ABCA12: variants seen among roughly 807,000 people sequenced by gnomAD.
ABCA12 encodes ATP binding cassette subfamily A member 12.
A neutral mutation model predicts 293.5 loss-of-function variants in ABCA12; 156 were observed. The ratio of observed to expected loss-of-function variants is 0.53; its 90% CI spans 0.47 to 0.61. The LOEUF is 0.61. Among genes scored for constraint, ABCA12 ranks in the 20% least tolerant of loss-of-function variants. ABCA12 has a pLI of 0.00. For synonymous variants in ABCA12, 1,063 were observed against 1,108.0 expected, an observed-to-expected ratio of 0.96 and a Z score of 0.81; for missense variants, 2,797 against 3,090.2, an observed-to-expected ratio of 0.91 and a Z score of 2.25.
intron 1 of ABCA12, among the ~76,000 whole-genome samples, chr2:215,126,298 T>G (rs890217226): frequency 2.0e-5 from 3 of 152,182 alleles, no homozygotes. Flanking sequence ...ATTAAGATGA[T>G]GCTGACTTCA....
intron 1 of ABCA12, among the ~76,000 whole-genome samples, chr2:215,129,682 T>C (rs763934875): frequency 5.9e-5 from 9 of 152,218 alleles, no homozygotes; most frequent in Non-Finnish European, 1.2e-4. Flanking sequence ...CTGTAGATTG[T>C]CTGCTTATCC....
chr2:215,052,447 G>A (rs758775259), intron 5 of ABCA12, 40 bp downstream of exon 5: 14 of 1,527,920 alleles, frequency 9.2e-6, no homozygotes, highest in Admixed American at 6.7e-5. Flanking sequence ...AAAGGCCTAT[G>A]TTGAATCACT....
chr2:214,970,226 A>C, intron 37 of ABCA12, 47 bp downstream of exon 37: 1 of 1,572,990 alleles, frequency 6.4e-7, no homozygotes, highest in Non-Finnish European at 8.7e-7. Context: ...GGCAGCTACC[A>C]TTAAAATTAG....
intron 8 of ABCA12, among the ~76,000 whole-genome samples, chr2:215,034,778 T>C (rs980027268): frequency 3.3e-5 from 5 of 152,190 alleles, no homozygotes; most frequent in Non-Finnish European, 7.3e-5. Flanking sequence ...GTTATTTAGA[T>C]GATAAAATGA....
intron 45 of ABCA12, among the ~76,000 whole-genome samples, chr2:214,950,272 T>TG (rs1448159031): frequency 3.3e-5 from 5 of 151,968 alleles, no homozygotes; most frequent in Non-Finnish European, 7.4e-5. Flanking sequence ...TTGATATCCT[T>TG]GGGGGTCCTG....
chr2:215,095,346 C>G (rs1702229587), intron 2 of ABCA12, among the ~76,000 whole-genome samples: 1 of 152,144 alleles, frequency 6.6e-6, no homozygotes, highest in Admixed American at 6.5e-5. Flanking sequence ...CCTTTAAAAC[C>G]TGTTTTTCTC....
intron 2 of ABCA12, among the ~76,000 whole-genome samples, chr2:215,064,688 TACACGCACACAC>T (rs1291910503): frequency 7.1e-4 from 92 of 128,690 alleles, no homozygotes; most frequent in African/African-American, 2.7e-3. Flanking sequence ...AATCTTTTAA[TACACGCACACAC>T]ACACACACAC....
At chr2:215,103,519 C>T (rs1226346939) in intron 2 of ABCA12, among the ~76,000 whole-genome samples, 1 of 152,062 alleles carries the variant, frequency 6.6e-6, no homozygotes, top group Non-Finnish European at 1.5e-5. Context: ...ATCCACCCAA[C>T]TCAGCCTCCC....
At chr2:215,029,709 T>C (rs1700831467) in intron 9 of ABCA12, among the ~76,000 whole-genome samples, 1 of 152,200 alleles carries the variant, frequency 6.6e-6, no homozygotes. Flanking sequence ...CTTATATCTG[T>C]GTGCCACAGT....
chr2:215,000,882 T>G lies in ABCA12; in HGVS notation c.3002A>C (p.Lys1001Thr), dbSNP rs771774424. 1.7e-5 allele frequency: 28 copies of G among 1,614,158 alleles called. No individual in the cohort carries two copies. Among genetic ancestry groups the G allele is most frequent in the Non-Finnish European group, 2.3e-5 (27 of 1,180,004 alleles). The change falls in exon 22 of 53, where the codon AAG (lysine) becomes ACG (threonine). Residue 1001 changes from lysine (K) to threonine (T), a missense_variant. Lys to Thr is a moderately conservative substitution (Grantham distance 78). This residue lies in a region of ABCA12 where 2,130 missense variants were observed against 2,427.0 expected (regional missense o/e 0.88). Transcript: ENST00000272895. Reference protein sequence around the residue: ...TAQTTRSLRTKIWAPGPHNSP... With the variant: ...TAQTTRSLRTTIWAPGPHNSP... ...ATTGTGTGGCCCTGGAGCCCAAATCTTGGTTCTTAGGCTTCTTGTGGTCTG... is the reference window on the plus strand; with the variant it reads ...ATTGTGTGGCCCTGGAGCCCAAATCGTGGTTCTTAGGCTTCTTGTGGTCTG...
At chr2:214,993,010 C>A (rs899297647) in intron 23 of ABCA12, among the ~76,000 whole-genome samples, 2 of 152,150 alleles carry the variant, frequency 1.3e-5, no homozygotes, top group African/African-American at 4.8e-5. Context: ...GCAAATGCAT[C>A]GGATCTTTTG....
At chr2:215,065,072 G>A (rs767605121) in intron 2 of ABCA12, among the ~76,000 whole-genome samples, 2 of 151,608 alleles carry the variant, frequency 1.3e-5, no homozygotes, top group African/African-American at 2.4e-5. Context: ...TCATAGTGAG[G>A]GGTTTTGTAA....
intron 39 of ABCA12, among the ~76,000 whole-genome samples, chr2:214,963,934 A>AAAG (rs1699185547): frequency 6.6e-6 from 1 of 151,032 alleles, no homozygotes; most frequent in African/African-American, 2.4e-5. Context: ...AAAAAAAAAA[A>AAAG]AAAAAAAAAA....
At chr2:215,133,692 C>T (rs901166891) in intron 1 of ABCA12, among the ~76,000 whole-genome samples, 2 of 152,124 alleles carry the variant, frequency 1.3e-5, no homozygotes, top group African/African-American at 2.4e-5. Context: ...TCTATTAGTA[C>T]TTAATGTATT....
chr2:214,953,488 A>T (rs182319810), intron 44 of ABCA12, among the ~76,000 whole-genome samples: 1 of 152,198 alleles, frequency 6.6e-6, no homozygotes, highest in East Asian at 1.9e-4. Flanking sequence ...TCCACACTCA[A>T]TCCTCTTTCC....
rs574126956 is a variant in ABCA12, at chr2:215,120,418, G to A, written c.70-8728C>T. Among the ~76,000 whole-genome samples, 248 of 152,220 alleles carry A rather than the reference G, an allele frequency of 1.6e-3. 2 individuals are homozygous for A. The highest frequency in any genetic ancestry group is 4.8e-3 in the South Asian group (23 of 4,822). ...AATTTGAAAAAAATAATTACAGCTAGTTGGAATGGATAATATGACATAGGA... is the reference window on the plus strand; with the variant it reads ...AATTTGAAAAAAATAATTACAGCTAATTGGAATGGATAATATGACATAGGA... On this transcript the variant is annotated intron_variant, in intron 1 of 52. Coordinates refer to ENST00000272895, the MANE Select transcript of ABCA12 (RefSeq NM_173076.3).
intron 52 of ABCA12, among the ~76,000 whole-genome samples, 153 bp from the exon 53 acceptor site, chr2:214,932,894 A>C (rs1698105176): frequency 6.6e-6 from 1 of 152,176 alleles, no homozygotes; most frequent in Non-Finnish European, 1.5e-5. Flanking sequence ...TCCTAGTTTT[A>C]TACATGCTTG....
intron 1 of ABCA12, among the ~76,000 whole-genome samples, chr2:215,122,646 C>T (rs1702831993): frequency 6.6e-6 from 1 of 152,190 alleles, no homozygotes; most frequent in African/African-American, 2.4e-5. Flanking sequence ...AACTGAGCTA[C>T]AGTGTGATCC....
At chr2:215,091,613 C>T (rs1702148827) in intron 2 of ABCA12, among the ~76,000 whole-genome samples, 1 of 152,142 alleles carries the variant, frequency 6.6e-6, no homozygotes, top group African/African-American at 2.4e-5. Context: ...AATCCACTCT[C>T]GACATTAGAA....
Sources: gnomAD v4.1 joint callset for allele counts (sites outside exome capture counted in the v4.1 genomes callset) on GRCh38, gnomAD v4.1.1 for gene constraint, gnomAD v4.1.1 regional missense constraint, MANE v1.5 for transcripts, NCBI Gene and HGNC (gene_info 2026-07-23, HGNC 2026-07-21) for gene names.